Variants in DYM observed in about 807,000 individuals in gnomAD.
DYM encodes dyggve-Melchior-Clausen syndrome protein.
DYM carries 78 observed loss-of-function variants against 93.1 expected under a neutral mutation model. That is an observed-to-expected ratio of 0.84 (90% confidence interval 0.70 to 1.01). The LOEUF is 1.01. Among genes scored for constraint, DYM ranks in the 50% least tolerant of loss-of-function variants. The pLI, the probability that DYM is intolerant of heterozygous loss-of-function variation, is 0.00. For missense variants in DYM, 789 were observed against 845.0 expected (o/e 0.93, Z 0.82); for synonymous variants, 321 against 319.7 (o/e 1.00, Z -0.04).
chr18:49,403,662 G>C (rs953232983), intron 2 of DYM, among the ~76,000 whole-genome samples: 2 of 152,220 alleles, frequency 1.3e-5, no homozygotes, highest in African/African-American at 4.8e-5. Context: ...GCATGATGCT[G>C]AGATTTGGGA....
At chr18:49,390,366 G>C (rs1027912171) in intron 3 of DYM, among the ~76,000 whole-genome samples, 2 of 152,004 alleles carry the variant, frequency 1.3e-5, no homozygotes, top group African/African-American at 4.8e-5. Flanking sequence ...GGAGATCAAG[G>C]CTGCAGTGAG....
intron 14 of DYM, among the ~76,000 whole-genome samples, chr18:49,205,298 C>T (rs1422405619): frequency 6.6e-6 from 1 of 152,074 alleles, no homozygotes; most frequent in Non-Finnish European, 1.5e-5. Flanking sequence ...AAATGTAAAG[C>T]CCTGCAATCA....
chr18:49,336,209 T>C (rs1291144120), intron 6 of DYM, among the ~76,000 whole-genome samples: 5 of 152,228 alleles, frequency 3.3e-5, no homozygotes, highest in Non-Finnish European at 7.3e-5. Flanking sequence ...AGAAACAAAT[T>C]GTTTTACTAA....
intron 16 of DYM, among the ~76,000 whole-genome samples, chr18:49,106,013 G>A (rs1284322477): frequency 7.9e-5 from 12 of 152,072 alleles, no homozygotes; most frequent in African/African-American, 1.9e-4. Context: ...TGGGGTGTTA[G>A]AGTCTCCCAT....
intron 2 of DYM, among the ~76,000 whole-genome samples, chr18:49,413,657 C>T (rs1482504575): frequency 6.6e-6 from 1 of 152,112 alleles, no homozygotes; most frequent in Non-Finnish European, 1.5e-5. Flanking sequence ...TATATAACTA[C>T]AATGGGTAAT....
chr18:49,301,545 C>T (rs925041999), intron 8 of DYM, among the ~76,000 whole-genome samples: 1 of 148,940 alleles, frequency 6.7e-6, no homozygotes, highest in African/African-American at 2.5e-5. Flanking sequence ...AAAAAAGGTT[C>T]CCAAGACATA....
intron 2 of DYM, among the ~76,000 whole-genome samples, chr18:49,413,622 GTTTAGAAAACAT>G (rs144325501): frequency 0.091 from 13,892 of 152,180 alleles, 853 homozygotes; most frequent in East Asian, 0.31. Flanking sequence ...GCAAACTGAA[GTTTAGAAAACAT>G]TATATGATGT....
chr18:49,190,791 TCCTCCCTCCTCGG>T (rs1207725780), intron 14 of DYM, among the ~76,000 whole-genome samples: 1 of 152,084 alleles, frequency 6.6e-6, no homozygotes, highest in East Asian at 1.9e-4. Flanking sequence ...CCCCTACTCG[TCCTCCCTCCTCGG>T]CCTATTCAGT....
At position 49,417,106 on chromosome 18, in the gene DYM, G is replaced by A. The variant is rs377599277; in HGVS notation, c.140+13149C>T. ...TGGCCACGTTTCCTTTATAGTACAA[G>A]AAGTCACTTCTACCCATATGTATAA... On this transcript the variant is annotated intron_variant, in intron 2 of 17. Transcript: ENST00000675505. Among the ~76,000 whole-genome samples the A allele has an allele frequency of 4.4e-4, 67 of 152,242 alleles. 1 individual carries two copies. In the South Asian group the frequency reaches 0.013, roughly 31 times the overall value.
At position 49,051,132 on chromosome 18, in the gene DYM, G is replaced by C. The variant is rs1447957731; in HGVS notation, c.2026-6928C>G. Among the ~76,000 whole-genome samples, 4 of 152,318 alleles carry C rather than the reference G, an allele frequency of 2.6e-5. 1 individual carries two copies. The highest frequency in any genetic ancestry group is 6.8e-3 in the Middle Eastern group (2 of 294). On this transcript the variant is annotated intron_variant, in intron 17 of 17. Transcript: ENST00000675505. ...CCAGGGTCAAAAGGGACCTGAGTGT[G>C]CCCTTAGAATGTCTGTGGCCAACGT... is the stretch of plus-strand genomic sequence containing the variant.
chr18:49,248,626 A>C (rs904244328), intron 13 of DYM, among the ~76,000 whole-genome samples: 3 of 152,144 alleles, frequency 2.0e-5, no homozygotes, highest in Non-Finnish European at 2.9e-5. Flanking sequence ...AATAAAATCG[A>C]AGTTTAAAAA....
Position 49,428,981 on chromosome 18 carries a change from G to C in DYM, c.140+1274C>G, listed in dbSNP as rs529831570. Among the ~76,000 whole-genome samples the C allele has an allele frequency of 2.0e-5, 3 of 152,328 alleles. No homozygotes were observed. The South Asian group carries it at 6.2e-4, about 32-fold the overall frequency. ...TATCTTACAGTTCTGTAGGTCAGAA[G>C]TCTGACACTCAATGAGCTAAGATCA... On this transcript the variant is annotated intron_variant, in intron 2 of 17. Transcript: ENST00000675505.
chr18:49,379,103 C>T (rs568035958), intron 4 of DYM, among the ~76,000 whole-genome samples: 6 of 152,132 alleles, frequency 3.9e-5, no homozygotes, highest in South Asian at 2.1e-4. Flanking sequence ...GCCAGCAGCA[C>T]GGTAAAATAC....
chr18:49,208,205 TTAAAAA>T (rs1030265987), intron 14 of DYM, among the ~76,000 whole-genome samples: 1 of 128,608 alleles, frequency 7.8e-6, no homozygotes, highest in African/African-American at 3.2e-5. Flanking sequence ...AAAAAAAAAA[TTAAAAA>T]GAAAAAGACG....
intron 8 of DYM, among the ~76,000 whole-genome samples, chr18:49,289,758 T>TATACAC (rs1555678672): frequency 2.5e-3 from 97 of 38,136 alleles, no homozygotes; most frequent in African/African-American, 6.2e-3. Context: ...TATATATATA[T>TATACAC]ATATATATAT....
intron 13 of DYM, among the ~76,000 whole-genome samples, chr18:49,213,993 GACA>G (rs1216758216): frequency 3.3e-5 from 5 of 152,318 alleles, no homozygotes; most frequent in African/African-American, 1.2e-4. Context: ...ATTTGATTTT[GACA>G]ACATTACTCT....
chr18:49,292,602 A>C (rs12605572), intron 8 of DYM, among the ~76,000 whole-genome samples: 2,462 of 58,926 alleles, frequency 0.042, 83 homozygotes, highest in East Asian at 0.16. Context: ...GAAAAAAAAA[A>C]AAAAAAAAAA....
chr18:49,225,492 G>A (rs1203261622), intron 13 of DYM, among the ~76,000 whole-genome samples: 1 of 152,004 alleles, frequency 6.6e-6, no homozygotes. Flanking sequence ...GCTCAAAGGG[G>A]ATGAAATGAC....
chr18:49,165,844 C>T (rs766016684), intron 14 of DYM, among the ~76,000 whole-genome samples: 7 of 152,124 alleles, frequency 4.6e-5, no homozygotes, highest in Non-Finnish European at 8.8e-5. Context: ...TGAAGGTCAC[C>T]TTAGGCCCTA....
Sources: gnomAD v4.1 joint callset for allele counts (sites outside exome capture counted in the v4.1 genomes callset) on GRCh38, gnomAD v4.1.1 for gene constraint, MANE v1.5 for transcripts, NCBI Gene and HGNC (gene_info 2026-07-23, HGNC 2026-07-21) for gene names.